Variants in SASH1 observed in about 807,000 individuals in gnomAD.
The protein encoded by SASH1 is SAM and SH3 domain-containing protein 1.
Under a neutral mutation model 125.2 loss-of-function variants are expected in SASH1, and 44 were observed. That is an observed-to-expected ratio of 0.35 (90% CI 0.28 to 0.45). SASH1 has a LOEUF of 0.45. SASH1 is among the 20% of genes least tolerant of loss of function. SASH1 has a pLI of 1.00. For synonymous variants in SASH1, 639 were observed against 649.1 expected (o/e 0.98, Z 0.24); for missense variants, 1,426 against 1,614.5 (o/e 0.88, Z 2.00).
chr6:148,417,031 T>G (rs186274343), intron 2 of SASH1, among the ~76,000 whole-genome samples: 50 of 152,294 alleles, frequency 3.3e-4, no homozygotes, highest in African/African-American at 1.2e-3. Flanking sequence ...TATTTGTGTG[T>G]CTGCTCATAG....
chr6:148,342,446 C>G (rs1188580106), upstream of SASH1: 2 of 152,244 alleles, frequency 1.3e-5, no homozygotes, highest in African/African-American at 4.8e-5. Context: ...GGGCCGGAGA[C>G]CGCGGCGCGG....
the SASH1 span, among the ~76,000 whole-genome samples, chr6:148,209,257 A>G: frequency 6.6e-6 from 1 of 152,222 alleles, no homozygotes; most frequent in Admixed American, 6.5e-5. Flanking sequence ...ATACACCTTC[A>G]TCATAGCTGA....
At chr6:148,427,588 C>T (rs577371581) in intron 2 of SASH1, among the ~76,000 whole-genome samples, 5 of 152,222 alleles carry the variant, frequency 3.3e-5, no homozygotes, top group African/African-American at 7.2e-5. Context: ...GTAGCTTAAA[C>T]GATCTAGTAC....
In SASH1 at chr6:148,400,010, A is replaced by T. The variant is rs114563545; in HGVS notation, c.285+9748A>T. Among the ~76,000 whole-genome samples the T allele has an allele frequency of 1.4e-3, 218 of 152,390 alleles. 1 individual carries two copies. The highest frequency in any genetic ancestry group is 5.1e-3 in the African/African-American group (213 of 41,596). On this transcript the variant is annotated intron_variant, in intron 2 of 19. Coordinates refer to ENST00000367467, the MANE Select transcript of SASH1 (RefSeq NM_015278.5). ...GTATAATTTATTTAGGCTAATCAGA[A>T]GCTAATTATAGGCTATTTAAAAATG...
At chr6:148,488,128 A>G (rs1343410861) in intron 8 of SASH1, among the ~76,000 whole-genome samples, 1 of 151,630 alleles carries the variant, frequency 6.6e-6, no homozygotes, top group Admixed American at 6.6e-5. Context: ...AACTCTCCCT[A>G]CGCCCCCGCC....
the SASH1 span, among the ~76,000 whole-genome samples, chr6:148,222,737 G>C: frequency 6.6e-6 from 1 of 151,978 alleles, no homozygotes; most frequent in African/African-American, 2.4e-5. Context: ...TTATTGCAAA[G>C]GGTTTTGTGT....
chr6:148,316,549 C>G (rs1780484433), intron 1 of SASH1, among the ~76,000 whole-genome samples: 1 of 152,190 alleles, frequency 6.6e-6, no homozygotes. Context: ...ATTGGCTTGC[C>G]CAGAATGCAT....
chr6:148,488,120 C>T (rs1279714875), intron 8 of SASH1, among the ~76,000 whole-genome samples: 1 of 152,052 alleles, frequency 6.6e-6, no homozygotes, highest in African/African-American at 2.4e-5. Context: ...TAAACAATAA[C>T]TCTCCCTACG....
At chr6:148,437,721 TA>T (rs1201535625) in intron 2 of SASH1, among the ~76,000 whole-genome samples, 13 of 150,906 alleles carry the variant, frequency 8.6e-5, no homozygotes, top group Admixed American at 1.3e-4. Flanking sequence ...GCTGTTTCTT[TA>T]AAAAAAAAAA....
chr6:148,377,871 G>A (rs1248603450), intron 1 of SASH1, among the ~76,000 whole-genome samples: 1 of 152,132 alleles, frequency 6.6e-6, no homozygotes, highest in Non-Finnish European at 1.5e-5. Context: ...GGGTTTACAA[G>A]TATTTTATTT....
rs143324174 is a variant in SASH1 at position 148,437,182 on chromosome 6, C to T, written c.286-3002C>T. ...GTGACACTCATCAGTGTTATAATAACGGAATTTTGCCAATAGTTTATTCCA... is the reference window on the plus strand; with the variant it reads ...GTGACACTCATCAGTGTTATAATAATGGAATTTTGCCAATAGTTTATTCCA... On this transcript the variant is annotated intron_variant, in intron 2 of 19. Coordinates refer to ENST00000367467, the MANE Select transcript of SASH1 (RefSeq NM_015278.5). Among the ~76,000 whole-genome samples the T allele has an allele frequency of 6.2e-3, 945 of 152,252 alleles. 4 individuals are homozygous for T. Among genetic ancestry groups the T allele is most frequent in the Non-Finnish European group, 0.01 (694 of 68,010 alleles).
chr6:148,320,468 G>A (rs1217613709), intron 1 of SASH1, among the ~76,000 whole-genome samples: 1 of 152,200 alleles, frequency 6.6e-6, no homozygotes, highest in African/African-American at 2.4e-5. Context: ...TGTTACAGCA[G>A]GCTTTGGAAT....
Position 148,468,542 on chromosome 6 carries a change from T to C in SASH1, c.387-3T>C. On this transcript the variant is annotated splice_region_variant and splice_polypyrimidine_tract_variant and intron_variant, in intron 4 of 19. Coordinates refer to ENST00000367467, the MANE Select transcript of SASH1 (RefSeq NM_015278.5). Reference sequence around the variant, plus strand: ...GGTAATCTGATTTGTTTTTCTTTTCTAGGAACCCTCTTCATAAATCAAACT... The same window carrying C: ...GGTAATCTGATTTGTTTTTCTTTTCCAGGAACCCTCTTCATAAATCAAACT... The C allele has an allele frequency of 6.2e-7, 1 of 1,608,104 alleles. No individual in the cohort carries two copies. Among genetic ancestry groups the C allele is most frequent in the Non-Finnish European group, 8.5e-7 (1 of 1,175,690 alleles).
chr6:148,482,669 G>A (rs1406947205), intron 7 of SASH1, among the ~76,000 whole-genome samples: 2 of 139,320 alleles, frequency 1.4e-5, no homozygotes, highest in Non-Finnish European at 1.5e-5. Flanking sequence ...CTCTAGGCAT[G>A]TGCCACCACA....
intron 1 of SASH1, among the ~76,000 whole-genome samples, chr6:148,318,813 A>G (rs1262641068): frequency 6.6e-6 from 1 of 151,918 alleles, no homozygotes; most frequent in East Asian, 1.9e-4. Context: ...AGCCTCCCAA[A>G]GTGCTGGGAT....
chr6:148,299,564 G>C lies in SASH1; in HGVS notation n.74+27187G>C, dbSNP rs575075383. ...CGTCTGTAATCCCAGCTACTCGGGG[G>C]GCTCAGGAAGGAGAATCTCTTGAAC... On this transcript the variant is annotated intron_variant and non_coding_transcript_variant, in intron 1 of 3. Coordinates refer to the SASH1 transcript ENST00000367469. Among the ~76,000 whole-genome samples, 381 of 151,734 alleles carry C rather than the reference G, an allele frequency of 2.5e-3. 5 individuals carry two copies. The highest frequency in any genetic ancestry group is 8.8e-3 in the African/African-American group (365 of 41,306).
chr6:148,425,053 G>A (rs1207273684), intron 2 of SASH1, among the ~76,000 whole-genome samples: 2 of 152,154 alleles, frequency 1.3e-5, no homozygotes, highest in Non-Finnish European at 2.9e-5. Context: ...TGGGTGATGT[G>A]TACTTCAGCG....
At chr6:148,354,972 T>A (rs1441104913) in intron 1 of SASH1, among the ~76,000 whole-genome samples, 1 of 152,204 alleles carries the variant, frequency 6.6e-6, no homozygotes, top group Admixed American at 6.5e-5. Flanking sequence ...TTGGCCAGGC[T>A]GGTCTCGAAC....
At chr6:148,470,904 C>G (rs760031237) in intron 5 of SASH1, among the ~76,000 whole-genome samples, 2 of 152,120 alleles carry the variant, frequency 1.3e-5, no homozygotes, top group African/African-American at 2.4e-5. Context: ...GGACCAACTC[C>G]CCTGACCTGT....
Sources: gnomAD v4.1 joint callset for allele counts (sites outside exome capture counted in the v4.1 genomes callset) on GRCh38, gnomAD v4.1.1 for gene constraint, MANE v1.5 for transcripts, NCBI Gene and HGNC (gene_info 2026-07-23, HGNC 2026-07-21) for gene names.